Variants in PRKD1 observed in about 807,000 individuals in gnomAD.
The protein encoded by PRKD1 is protein kinase D1, also known as serine/threonine-protein kinase D1.
PRKD1 carries 63 observed loss-of-function variants against 95.9 expected under a neutral mutation model. The observed-to-expected ratio is 0.66, with a 90% CI of 0.54 to 0.81. PRKD1 has a LOEUF of 0.81. Ranked by LOEUF, PRKD1 falls within the 30% of genes least tolerant of loss-of-function variation. The probability of loss-of-function intolerance (pLI) is 0.00; values close to 1 mark genes in which losing one functional copy is unlikely to be tolerated. For missense variants in PRKD1, 1,048 were observed against 1,165.3 expected, an observed-to-expected ratio of 0.90 and a Z score of 1.47; for synonymous variants, 425 against 423.1, an observed-to-expected ratio of 1.00 and a Z score of -0.05.
intron 2 of PRKD1, among the ~76,000 whole-genome samples, chr14:29,707,175 G>A (rs777670656): frequency 5.9e-5 from 9 of 152,118 alleles, no homozygotes; most frequent in Non-Finnish European, 1.0e-4. Context: ...TTAGCCTTAT[G>A]CTATTGAAGG....
rs1886104172 is a variant in PRKD1, at chr14:29,725,649, A to G, written c.290T>C (p.Met97Thr). The G allele has an allele frequency of 6.2e-7, 1 of 1,613,556 alleles. No homozygotes were observed. The highest frequency in any genetic ancestry group is 1.7e-5 in the Admixed American group (1 of 59,930). ...GCGAAAAAGCAGGATCTTATCATAC[A>G]TTCCGTAGAAACCACATTCAGGGAA... ...QKFPECGFYG[M>T]YDKILLFRHD... The change falls in exon 2 of 18, where the codon ATG becomes ACG. Residue 97 changes from methionine to threonine, a missense_variant. By Grantham distance (81) the Met-to-Thr change is moderately conservative. This residue lies in a region of PRKD1 where 275 missense variants were observed against 248.6 expected (regional missense o/e 1.11). Coordinates refer to ENST00000331968, the MANE Select transcript of PRKD1 (RefSeq NM_002742.3).
chr14:29,793,451 T>C (rs981202071), intron 1 of PRKD1, among the ~76,000 whole-genome samples: 4 of 152,154 alleles, frequency 2.6e-5, no homozygotes, highest in Non-Finnish European at 2.9e-5. Context: ...TGATTTGTTC[T>C]AAGATACTGT....
chr14:29,620,709 C>A (rs1879189020), intron 13 of PRKD1, among the ~76,000 whole-genome samples: 1 of 152,114 alleles, frequency 6.6e-6, no homozygotes, highest in African/African-American at 2.4e-5. Context: ...GAAATAGGAA[C>A]ACTTTCACAC....
intron 2 of PRKD1, among the ~76,000 whole-genome samples, chr14:29,707,244 C>T (rs567512243): frequency 2.2e-4 from 34 of 151,862 alleles, no homozygotes; most frequent in African/African-American, 7.5e-4. Context: ...TAGGATTACA[C>T]AATAGAAAAG....
At chr14:29,786,257 AG>A (rs1481097726) in intron 1 of PRKD1, among the ~76,000 whole-genome samples, 2 of 151,978 alleles carry the variant, frequency 1.3e-5, no homozygotes, top group Non-Finnish European at 2.9e-5. Flanking sequence ...TATTTTGTTG[AG>A]GTTTTTGCAC....
At chr14:29,905,768 C>T (rs1894475255) in intron 1 of PRKD1, among the ~76,000 whole-genome samples, 3 of 152,146 alleles carry the variant, frequency 2.0e-5, no homozygotes, top group Non-Finnish European at 2.9e-5. Flanking sequence ...CAACTGTTTG[C>T]TTAAAATACA....
intron 1 of PRKD1, among the ~76,000 whole-genome samples, chr14:29,859,200 C>T (rs116747184): frequency 0.013 from 1,994 of 152,236 alleles, 46 homozygotes; most frequent in African/African-American, 0.046. Flanking sequence ...AGCTGGGCGC[C>T]GTGGCTTATG....
intron 1 of PRKD1, among the ~76,000 whole-genome samples, chr14:29,905,146 CT>C (rs1482840580): frequency 6.6e-6 from 1 of 152,164 alleles, no homozygotes; most frequent in Non-Finnish European, 1.5e-5. Context: ...ACAGTCACCC[CT>C]GAGAAGGGTT....
intron 16 of PRKD1, among the ~76,000 whole-genome samples, chr14:29,583,279 G>T (rs1566465480): frequency 6.6e-6 from 1 of 152,160 alleles, no homozygotes; most frequent in Non-Finnish European, 1.5e-5. Context: ...GCAATAAACA[G>T]ATGCCGTTTA....
chr14:29,789,239 G>A (rs2139189308), intron 1 of PRKD1, among the ~76,000 whole-genome samples: 1 of 152,188 alleles, frequency 6.6e-6, no homozygotes, highest in East Asian at 1.9e-4. Context: ...GCATTTCATA[G>A]ATTTCCTTTT....
intron 1 of PRKD1, among the ~76,000 whole-genome samples, chr14:29,896,991 A>T (rs867219144): frequency 6.4e-4 from 97 of 151,938 alleles, no homozygotes; most frequent in African/African-American, 2.2e-3. Context: ...ATAATAAAAA[A>T]TTTATAATTT....
At chr14:29,757,172 G>GA (rs1163061294) in intron 1 of PRKD1, among the ~76,000 whole-genome samples, 1 of 152,184 alleles carries the variant, frequency 6.6e-6, no homozygotes, top group East Asian at 1.9e-4. Flanking sequence ...TACCCTGAAG[G>GA]AAAAAATAAC....
At chr14:29,868,725 A>T (rs965076099) in intron 1 of PRKD1, among the ~76,000 whole-genome samples, 95 of 152,310 alleles carry the variant, frequency 6.2e-4, no homozygotes, top group African/African-American at 2.2e-3. Context: ...AAAAGCAAAA[A>T]TTGATAGATT....
chr14:29,615,197 G>C (rs1380489104), intron 13 of PRKD1, among the ~76,000 whole-genome samples: 3 of 152,060 alleles, frequency 2.0e-5, no homozygotes, highest in African/African-American at 7.2e-5. Flanking sequence ...TAAAAGAATA[G>C]TTAATAAAGG....
intron 1 of PRKD1, among the ~76,000 whole-genome samples, chr14:29,834,639 T>G (rs1891542049): frequency 6.6e-6 from 1 of 152,124 alleles, no homozygotes; most frequent in East Asian, 1.9e-4. Context: ...TTTTACTAAA[T>G]ATTAGTGTTA....
chr14:29,885,769 C>G (rs1199013363), intron 1 of PRKD1, among the ~76,000 whole-genome samples: 1 of 132,452 alleles, frequency 7.5e-6, no homozygotes, highest in East Asian at 2.2e-4. Context: ...GAGTTTGAGA[C>G]TAGCCTGGCC....
intron 2 of PRKD1, among the ~76,000 whole-genome samples, chr14:29,706,841 G>T (rs34684064): frequency 0.019 from 2,963 of 152,180 alleles, 46 homozygotes; most frequent in Middle Eastern, 0.037. Flanking sequence ...AGAAAAAGTT[G>T]CCTCACCCAA....
At chr14:29,600,404 G>C (rs1893473831) in intron 13 of PRKD1, among the ~76,000 whole-genome samples, 1 of 152,068 alleles carries the variant, frequency 6.6e-6, no homozygotes, top group African/African-American at 2.4e-5. Flanking sequence ...CTACCTGCTT[G>C]GTTTTCAAGC....
chr14:29,820,594 G>T (rs1003307356), intron 1 of PRKD1, among the ~76,000 whole-genome samples: 3 of 152,130 alleles, frequency 2.0e-5, no homozygotes, highest in Admixed American at 1.3e-4. Context: ...ACCAAGTAAA[G>T]GTGTTTTCAT....
Sources: gnomAD v4.1 joint callset for allele counts (sites outside exome capture counted in the v4.1 genomes callset) on GRCh38, gnomAD v4.1.1 for gene constraint, gnomAD v4.1.1 regional missense constraint, MANE v1.5 for transcripts, NCBI Gene and HGNC (gene_info 2026-07-23, HGNC 2026-07-21) for gene names.